Variants in GRK3 observed in about 807,000 individuals in gnomAD.
The protein encoded by GRK3 is adrenergic, beta, receptor kinase 2.
GRK3 carries 54 observed loss-of-function variants against 95.7 expected under a neutral mutation model. The observed-to-expected ratio is 0.56, with a 90% CI of 0.45 to 0.71. The LOEUF is 0.71. Ranked by LOEUF, GRK3 falls within the 30% of genes least tolerant of loss-of-function variation. The probability of loss-of-function intolerance (pLI) is 0.00; values close to 1 mark genes in which losing one functional copy is unlikely to be tolerated. For synonymous variants in GRK3, 281 were observed against 290.8 expected (o/e 0.97, Z 0.34); for missense variants, 649 against 851.2 (o/e 0.76, Z 2.96).
chr22:25,578,493 G>A (rs1931988417), intron 1 of GRK3, among the ~76,000 whole-genome samples: 1 of 152,156 alleles, frequency 6.6e-6, no homozygotes, highest in Non-Finnish European at 1.5e-5. Flanking sequence ...AACATGTTAT[G>A]TTATATGACA....
At chr22:25,694,688 CG>C (rs1221703388) in intron 12 of GRK3, among the ~76,000 whole-genome samples, 4 of 152,138 alleles carry the variant, frequency 2.6e-5, no homozygotes, top group African/African-American at 4.8e-5. Flanking sequence ...CAGGGGTGGA[CG>C]TCTCCATGCC....
chr22:25,704,465 A>G (rs773386172), intron 15 of GRK3, among the ~76,000 whole-genome samples: 16 of 152,216 alleles, frequency 1.1e-4, no homozygotes, highest in Non-Finnish European at 2.2e-4. Context: ...GCTGTAGTGC[A>G]GTGGCGTGAT....
chr22:25,627,194 C>T (rs185660688), intron 2 of GRK3, among the ~76,000 whole-genome samples: 13 of 152,192 alleles, frequency 8.5e-5, no homozygotes, highest in Non-Finnish European at 7.4e-5. Flanking sequence ...GCTCAAGAGC[C>T]GAGTTTTTAT....
intron 12 of GRK3, among the ~76,000 whole-genome samples, chr22:25,692,747 G>A (rs532946585): frequency 1.3e-5 from 2 of 152,248 alleles, no homozygotes; most frequent in Non-Finnish European, 1.5e-5. Flanking sequence ...CTTGAACCAG[G>A]TCACATGGCT....
chr22:25,715,920 A>G (rs920124343), intron 18 of GRK3, among the ~76,000 whole-genome samples: 1 of 152,206 alleles, frequency 6.6e-6, no homozygotes, highest in Admixed American at 6.5e-5. Context: ...GAATACACCA[A>G]GGGAATCCTG....
chr22:25,678,960 G>A, intron 9 of GRK3, 45 bp downstream of exon 9: 1 of 1,283,422 alleles, frequency 7.8e-7, no homozygotes. Flanking sequence ...TGTTTTGTTT[G>A]TTTCATAGCA....
intron 2 of GRK3, among the ~76,000 whole-genome samples, chr22:25,636,359 C>T (rs1490490595): frequency 6.6e-6 from 1 of 152,140 alleles, no homozygotes; most frequent in Non-Finnish European, 1.5e-5. Flanking sequence ...ACAATGAATT[C>T]AAATAGATAC....
chr22:25,611,648 A>T (rs1018199255), intron 2 of GRK3, among the ~76,000 whole-genome samples: 2 of 152,128 alleles, frequency 1.3e-5, no homozygotes, highest in Non-Finnish European at 2.9e-5. Context: ...TCTTTTACCC[A>T]TCCTGAAATT....
chr22:25,578,471 C>G (rs1931987081), intron 1 of GRK3, among the ~76,000 whole-genome samples: 2 of 152,136 alleles, frequency 1.3e-5, no homozygotes, highest in Non-Finnish European at 1.5e-5. Context: ...ATCTTAATCC[C>G]CAGAACCTAT....
At chr22:25,676,995 G>A (rs2085035298) in intron 8 of GRK3, among the ~76,000 whole-genome samples, 1 of 152,148 alleles carries the variant, frequency 6.6e-6, no homozygotes, top group Non-Finnish European at 1.5e-5. Context: ...CTAAACAGAG[G>A]CCCAAGAATG....
intron 15 of GRK3, among the ~76,000 whole-genome samples, chr22:25,706,687 C>T (rs185962606): frequency 2.3e-3 from 352 of 152,172 alleles, no homozygotes; most frequent in African/African-American, 8.0e-3. Flanking sequence ...TGCACCACCA[C>T]GCCCAGCTAA....
At chr22:25,620,905 G>A (rs1048312163) in intron 2 of GRK3, among the ~76,000 whole-genome samples, 2 of 152,206 alleles carry the variant, frequency 1.3e-5, no homozygotes, top group East Asian at 1.9e-4. Flanking sequence ...AGGGGTTAAC[G>A]AATTCCATCA....
chr22:25,722,616 C>A lies in GRK3; in HGVS notation c.*166C>A. 1.7e-6 allele frequency: 1 copy of A among 581,826 alleles called. No homozygotes were observed. Among genetic ancestry groups the A allele is most frequent in the Non-Finnish European group, 3.0e-6 (1 of 338,556 alleles). 36.0% of individuals were successfully genotyped at this position (581,826 alleles called of 1,614,324 possible). A position where few individuals can be genotyped will look rare whatever the true frequency, so the allele number is the denominator to read the frequency against. The stretch of plus-strand genomic sequence containing the variant: ...GTCAGCTCAGCTCCCTGCCTTGTCA[C>A]ATTTGTCTGCATTAGAAACTACTGA... On this transcript the variant is annotated 3_prime_UTR_variant, in exon 21 of 21. Coordinates refer to ENST00000324198, the MANE Select transcript of GRK3 (RefSeq NM_005160.4).
chr22:25,714,263 G>A (rs1219280473), intron 17 of GRK3, 145 bp from the exon 18 acceptor site: 1 of 609,648 alleles, frequency 1.6e-6, no homozygotes, highest in Admixed American at 3.5e-5. Flanking sequence ...TGATAACTAA[G>A]AACCTGCCTC....
chr22:25,708,834 T>C (rs1045333994), intron 15 of GRK3, among the ~76,000 whole-genome samples: 37 of 150,746 alleles, frequency 2.5e-4, no homozygotes, highest in Middle Eastern at 3.5e-3. Flanking sequence ...GCTAATTTTT[T>C]GTATTTTAGT....
chr22:25,667,744 C>T lies in GRK3; in HGVS notation c.447C>T (p.Tyr149=). The T allele has an allele frequency of 6.2e-7, 1 of 1,609,978 alleles. No homozygotes were observed. The highest frequency in any genetic ancestry group is 8.5e-7 in the Non-Finnish European group (1 of 1,176,762). Residue 149 remains tyrosine (Y), a synonymous_variant, in exon 6 of 21, where the codon TAC becomes TAT. Coordinates refer to ENST00000324198, the MANE Select transcript of GRK3 (RefSeq NM_005160.4). ...KQVTSTLFQP[Y]IEEICESLRG... ...TTCTTTTCCATCTCTTCCAGCCATACATAGAAGAAATTTGTGAAAGCCTTC... is the reference window on the plus strand; with the variant it reads ...TTCTTTTCCATCTCTTCCAGCCATATATAGAAGAAATTTGTGAAAGCCTTC...
At chr22:25,568,470 A>G (rs970964889) in intron 1 of GRK3, among the ~76,000 whole-genome samples, 7 of 152,240 alleles carry the variant, frequency 4.6e-5, no homozygotes, top group African/African-American at 1.7e-4. Flanking sequence ...TTGTCCTTTC[A>G]AAGTATTCAT....
At chr22:25,708,367 C>T (rs562900017) in intron 15 of GRK3, among the ~76,000 whole-genome samples, 2 of 152,278 alleles carry the variant, frequency 1.3e-5, no homozygotes, top group African/African-American at 4.8e-5. Flanking sequence ...CTGGCTGGGC[C>T]TGTGCAGGAG....
At chr22:25,669,756 T>G (rs911975778) in intron 6 of GRK3, among the ~76,000 whole-genome samples, 2 of 152,196 alleles carry the variant, frequency 1.3e-5, no homozygotes, top group African/African-American at 4.8e-5. Context: ...CCATTCTTAG[T>G]GGGCAAAATA....
Sources: gnomAD v4.1 joint callset for allele counts (sites outside exome capture counted in the v4.1 genomes callset) on GRCh38, gnomAD v4.1.1 for gene constraint, MANE v1.5 for transcripts, NCBI Gene and HGNC (gene_info 2026-07-23, HGNC 2026-07-21) for gene names.